The following SV2B variants were observed in gnomAD, a reference collection of about 807,000 sequenced individuals.
SV2B encodes the protein solute carrier family 22 member B2.
SV2B carries 41 observed loss-of-function variants against 73.9 expected under a neutral mutation model. The ratio of observed to expected loss-of-function variants is 0.56; its 90% CI spans 0.43 to 0.72. The LOEUF is 0.72. Ranked by LOEUF, SV2B falls within the 30% of genes least tolerant of loss-of-function variation. The pLI, the probability that SV2B is intolerant of heterozygous loss-of-function variation, is 0.00. For missense variants in SV2B, 764 were observed against 857.8 expected (o/e 0.89, Z 1.37); for synonymous variants, 314 against 314.2 (o/e 1.00, Z 0.01).
chr15:91,198,636 T>C (rs2045346710), intron 1 of SV2B, among the ~76,000 whole-genome samples: 3 of 152,254 alleles, frequency 2.0e-5, no homozygotes, highest in Non-Finnish European at 4.4e-5. Context: ...TAAAAGGGTT[T>C]CTGCTTTGGA....
At chr15:91,138,204 A>T (rs72764724) in intron 1 of SV2B, among the ~76,000 whole-genome samples, 13,785 of 152,300 alleles carry the variant, frequency 0.091, 758 homozygotes, top group Non-Finnish European at 0.12. Flanking sequence ...GAGGCGGAGC[A>T]TGTCCAATGG....
intron 1 of SV2B, among the ~76,000 whole-genome samples, chr15:91,218,862 TG>T (rs1221647154): frequency 6.6e-6 from 1 of 152,212 alleles, no homozygotes; most frequent in East Asian, 1.9e-4. Flanking sequence ...CTGAGGATAC[TG>T]GTATCTGGTA....
intron 1 of SV2B, among the ~76,000 whole-genome samples, chr15:91,142,315 G>A (rs1596469704): frequency 6.6e-6 from 1 of 152,248 alleles, no homozygotes; most frequent in Admixed American, 6.5e-5. Context: ...AACTCATGCT[G>A]TCTGGGTGTC....
rs758467040 is a variant in SV2B, at chr15:91,300,926, T to A, written c.*8374T>A. 2.6e-5 allele frequency: 4 copies of A among 152,240 alleles called. No individual in the cohort carries two copies. The highest frequency in any genetic ancestry group is 5.9e-5 in the Non-Finnish European group (4 of 68,040). 9.4% of individuals were successfully genotyped at this position (152,240 alleles called of 1,614,324 possible). A position where few individuals can be genotyped will look rare whatever the true frequency, so the allele number is the denominator to read the frequency against. On this transcript the variant is annotated 3_prime_UTR_variant, in exon 13 of 13. Coordinates refer to ENST00000394232, the MANE Select transcript of SV2B (RefSeq NM_001323032.3). Reference sequence around the variant, plus strand: ...ATTTCATAGGTATAGAAGGCATTTGTAATACTGTTGGTTCAAATGTGCTGA... The same window carrying A: ...ATTTCATAGGTATAGAAGGCATTTGAAATACTGTTGGTTCAAATGTGCTGA...
At position 91,240,969 on chromosome 15, in the gene SV2B, C is replaced by G. The variant is rs563683262; in HGVS notation, c.452-10850C>G. Among the ~76,000 whole-genome samples the G allele has an allele frequency of 1.3e-5, 2 of 152,282 alleles. No individual in the cohort carries two copies. The highest frequency in any genetic ancestry group is 3.9e-4 in the East Asian group (2 of 5,174). Reference sequence around the variant, plus strand: ...TCACTAAAAGATCTCATATTCGAATCTCTTGTCATCAGAGAGCATCACTTA... The same window carrying G: ...TCACTAAAAGATCTCATATTCGAATGTCTTGTCATCAGAGAGCATCACTTA... On this transcript the variant is annotated intron_variant, in intron 2 of 12. Transcript: ENST00000394232. This position sits in a 1 kb window ranked among gnomAD's most constrained non-coding sequence, Gnocchi z 4.6.
chr15:91,260,245 G>A, intron 5 of SV2B, 75 bp from the exon 6 acceptor site: 1 of 1,345,452 alleles, frequency 7.4e-7, no homozygotes, highest in Non-Finnish European at 1.0e-6. Context: ...TGAGTTTGTA[G>A]GATTTTCCAC....
chr15:91,138,056 G>GTT (rs1295541680), intron 1 of SV2B, among the ~76,000 whole-genome samples: 12 of 152,144 alleles, frequency 7.9e-5, no homozygotes, highest in African/African-American at 2.9e-4. Context: ...AACATCACAT[G>GTT]AAGAAAGACA....
intron 1 of SV2B, among the ~76,000 whole-genome samples, chr15:91,120,907 C>T (rs945656759): frequency 6.6e-6 from 1 of 151,992 alleles, no homozygotes; most frequent in Non-Finnish European, 1.5e-5. Context: ...TTCAATATCT[C>T]ATTTAATCCT....
intron 2 of SV2B, among the ~76,000 whole-genome samples, chr15:91,249,322 T>C (rs926885764): frequency 6.6e-6 from 1 of 152,244 alleles, no homozygotes; most frequent in Non-Finnish European, 1.5e-5. Flanking sequence ...CCTTCCCACA[T>C]TGAGTGAATT....
rs1040667319 is a variant in SV2B, at chr15:91,227,792, G to A, written c.451+1078G>A. ...CAGAGAATTATTTGGTTACTGTAGG[G>A]ACAGTCTCTATGAAATACCTGGTGC... On this transcript the variant is annotated intron_variant, in intron 2 of 12. Transcript: ENST00000394232. This position sits in a 1 kb window ranked among gnomAD's most constrained non-coding sequence, Gnocchi z 4.5. Among the ~76,000 whole-genome samples the A allele has an allele frequency of 6.6e-6, 1 of 152,202 alleles. No homozygotes were observed. The highest frequency in any genetic ancestry group is 2.4e-5 in the African/African-American group (1 of 41,450).
At position 91,298,765 on chromosome 15, in the gene SV2B, A is replaced by G. The variant is rs2049335932; in HGVS notation, c.*6213A>G. 6.6e-6 allele frequency: 1 copy of G among 152,190 alleles called. No homozygotes were observed. Among genetic ancestry groups the G allele is most frequent in the Admixed American group, 6.5e-5 (1 of 15,280 alleles). 9.4% of individuals were successfully genotyped at this position (152,190 alleles called of 1,614,324 possible). A position where few individuals can be genotyped will look rare whatever the true frequency, so the allele number is the denominator to read the frequency against. Reference sequence around the variant, plus strand: ...CCTTTAGAAAGCAAAGGTCTTTCAGAAGCTGTCCTCTACCAAAGTTAATGT... The same window carrying G: ...CCTTTAGAAAGCAAAGGTCTTTCAGGAGCTGTCCTCTACCAAAGTTAATGT... On this transcript the variant is annotated 3_prime_UTR_variant, in exon 13 of 13. Coordinates refer to ENST00000394232, the MANE Select transcript of SV2B (RefSeq NM_001323032.3). This position sits in a 1 kb window ranked among gnomAD's most constrained non-coding sequence, Gnocchi z 5.4.
chr15:91,144,935 C>A (rs535851315), intron 1 of SV2B, among the ~76,000 whole-genome samples: 1 of 150,760 alleles, frequency 6.6e-6, no homozygotes, highest in Non-Finnish European at 1.5e-5. Context: ...AGAGCTTTAG[C>A]AGATGTAGCA....
intron 1 of SV2B, chr15:91,101,974 C>T (rs1298997996): frequency 2.0e-5 from 3 of 152,196 alleles, no homozygotes; most frequent in Non-Finnish European, 4.4e-5. Context: ...GAGGGAGTTT[C>T]AGAGCAGATG....
chr15:91,161,182 A>C (rs1228129305), intron 1 of SV2B, among the ~76,000 whole-genome samples: 3 of 152,298 alleles, frequency 2.0e-5, no homozygotes, highest in Non-Finnish European at 4.4e-5. Flanking sequence ...GCATGATGGA[A>C]ATTTTGGGGG....
chr15:91,292,466 C>A lies in SV2B; in HGVS notation c.1966C>A (p.Pro656Thr), dbSNP rs1196529301. 3 of 1,614,118 alleles carry A rather than the reference C, an allele frequency of 1.9e-6. No individual in the cohort carries two copies. The Admixed American group carries it at 5.0e-5, about 27-fold the overall frequency. The stretch of plus-strand genomic sequence containing the variant: ...TTTTGTTGGGATAACCAAAGTGGTC[C>A]CCATCCTTCTGGCTGCTGCTTCTCT... ...ASFVGITKVVPILLAAASLVG... is the reference protein window; with the variant it reads ...ASFVGITKVVTILLAAASLVG... Residue 656 changes from proline (P) to threonine (T), a missense_variant, in exon 13 of 13, where the codon CCC (proline) becomes ACC (threonine). Physicochemically the swap from Pro to Thr is conservative, Grantham distance 38. Transcript: ENST00000394232.
intron 1 of SV2B, among the ~76,000 whole-genome samples, chr15:91,117,107 C>T (rs1393567004): frequency 6.6e-6 from 1 of 152,144 alleles, no homozygotes; most frequent in African/African-American, 2.4e-5. Context: ...GAGGTCTGTA[C>T]CAGTATGCAG....
chr15:91,184,731 T>C (rs2044708374), intron 1 of SV2B, among the ~76,000 whole-genome samples: 1 of 152,234 alleles, frequency 6.6e-6, no homozygotes, highest in Admixed American at 6.5e-5. Flanking sequence ...ATTTTACTTA[T>C]TTATCTGACC....
rs2046361069 is a variant in SV2B at position 91,225,937 on chromosome 15, C to T, written c.-327C>T. 2.9e-6 allele frequency: 1 copy of T among 346,608 alleles called. No individual in the cohort carries two copies. Among genetic ancestry groups the T allele is most frequent in the South Asian group, 3.0e-5 (1 of 32,966 alleles). 21.5% of individuals were successfully genotyped at this position (346,608 alleles called of 1,614,324 possible). ...CAGTCTGCCAAGTCCTGCTCGCTCC[C>T]TGTCAAGAAAAACAGCTGGATCCAT... On this transcript the variant is annotated 5_prime_UTR_variant, in exon 2 of 13. Coordinates refer to ENST00000394232, the MANE Select transcript of SV2B (RefSeq NM_001323032.3).
At chr15:91,175,905 A>ATTT (rs913184419) in intron 1 of SV2B, among the ~76,000 whole-genome samples, 2 of 151,444 alleles carry the variant, frequency 1.3e-5, no homozygotes, top group African/African-American at 4.9e-5. Context: ...TATTATTATT[A>ATTT]TACTTTAAGT....
Sources: gnomAD v4.1 joint callset for allele counts (sites outside exome capture counted in the v4.1 genomes callset) on GRCh38, gnomAD v4.1.1 for gene constraint, Gnocchi (gnomAD v3.1) non-coding constraint, MANE v1.5 for transcripts, NCBI Gene and HGNC (gene_info 2026-07-23, HGNC 2026-07-21) for gene names.